Variants in OLFM4 observed in about 807,000 individuals in gnomAD.
OLFM4 encodes olfactomedin 4, also known as olfactomedin-4.
In OLFM4, 22 loss-of-function variants were observed where a neutral mutation model predicts 25.5. The ratio of observed to expected loss-of-function variants is 0.86; its 90% CI spans 0.62 to 1.23. The LOEUF is 1.23. Ranked by LOEUF, OLFM4 falls within the 50% of genes most tolerant of loss-of-function variation. The pLI, the probability that OLFM4 is intolerant of heterozygous loss-of-function variation, is 0.00. For synonymous variants in OLFM4, 255 were observed against 237.7 expected, an observed-to-expected ratio of 1.07 and a Z score of -0.67; for missense variants, 594 against 619.4, an observed-to-expected ratio of 0.96 and a Z score of 0.44.
chr13:53,032,919 C>A (rs890308533), intron 1 of OLFM4, among the ~76,000 whole-genome samples: 1 of 152,112 alleles, frequency 6.6e-6, no homozygotes, highest in Non-Finnish European at 1.5e-5. Context: ...AGCTGGCTGA[C>A]CTGAACTTTG....
intron 2 of OLFM4, among the ~76,000 whole-genome samples, chr13:53,038,223 AC>A (rs1216009711): frequency 6.6e-6 from 1 of 151,834 alleles, no homozygotes; most frequent in Admixed American, 6.6e-5. Context: ...GCACTCGCCC[AC>A]CCCCCAGTTA....
chr13:53,041,296 A>G (rs1450511304), intron 2 of OLFM4, among the ~76,000 whole-genome samples: 4 of 152,218 alleles, frequency 2.6e-5, no homozygotes, highest in Non-Finnish European at 5.9e-5. Flanking sequence ...CAACCATAAG[A>G]AAGAATGAGA....
chr13:53,047,915 G>A (rs1356556930), intron 4 of OLFM4, among the ~76,000 whole-genome samples: 3 of 151,978 alleles, frequency 2.0e-5, no homozygotes, highest in Non-Finnish European at 4.4e-5. Flanking sequence ...TGTCGGTTTG[G>A]GATATTTTCT....
intron 1 of OLFM4, among the ~76,000 whole-genome samples, chr13:53,031,811 G>A (rs1954630663): frequency 6.6e-6 from 1 of 152,178 alleles, no homozygotes; most frequent in African/African-American, 2.4e-5. Flanking sequence ...GTCTTGTGAG[G>A]TACTCAGGGT....
chr13:53,047,257 G>T (rs913936318), intron 4 of OLFM4, among the ~76,000 whole-genome samples: 2 of 152,194 alleles, frequency 1.3e-5, no homozygotes, highest in Non-Finnish European at 2.9e-5. Flanking sequence ...GGCTGGCAAG[G>T]AGCATGAGAT....
intron 1 of OLFM4, 96 bp from the exon 2 acceptor site, chr13:53,034,252 C>G: frequency 1.7e-6 from 2 of 1,166,718 alleles, no homozygotes; most frequent in Non-Finnish European, 2.5e-6. Context: ...ACTTACTTGC[C>G]TGTAAGTACT....
chr13:53,030,993 A>G (rs1467811617), intron 1 of OLFM4, among the ~76,000 whole-genome samples: 5 of 152,244 alleles, frequency 3.3e-5, no homozygotes. Flanking sequence ...CTCCATCACC[A>G]GTCAGAAACC....
At chr13:53,046,516 G>A (rs1233619382) in intron 4 of OLFM4, among the ~76,000 whole-genome samples, 1 of 152,190 alleles carries the variant, frequency 6.6e-6, no homozygotes, top group African/African-American at 2.4e-5. Context: ...TAGAAGGCTA[G>A]TGTTTTATAA....
intron 1 of OLFM4, among the ~76,000 whole-genome samples, chr13:53,032,983 A>G (rs1954637131): frequency 6.6e-6 from 1 of 152,130 alleles, no homozygotes; most frequent in African/African-American, 2.4e-5. Context: ...GTCTCCTTAG[A>G]GGTTTCATAA....
rs1292368713 is a variant in OLFM4 at position 53,030,523 on chromosome 13, G to A, written c.204+1483G>A. Among the ~76,000 whole-genome samples the A allele has an allele frequency of 3.3e-5, 5 of 152,168 alleles. No individual in the cohort carries two copies. In the South Asian group the frequency reaches 6.2e-4, roughly 19 times the overall value. On this transcript the variant is annotated intron_variant, in intron 1 of 4. Coordinates refer to ENST00000219022, the MANE Select transcript of OLFM4 (RefSeq NM_006418.5). ...TCACCATGTTGGTCAGGCTGGTCTC[G>A]AACTCCTGACCTCATGATCTGCCTG...
intron 2 of OLFM4, among the ~76,000 whole-genome samples, chr13:53,036,474 G>A (rs1954659173): frequency 6.6e-6 from 1 of 152,160 alleles, no homozygotes; most frequent in Non-Finnish European, 1.5e-5. Flanking sequence ...GAGAGTATGT[G>A]GCTTGCCAGG....
chr13:53,034,228 A>T, intron 1 of OLFM4, 120 bp from the exon 2 acceptor site: 1 of 858,118 alleles, frequency 1.2e-6, no homozygotes, highest in South Asian at 1.7e-5. Flanking sequence ...CTATTCATTT[A>T]TGTATTGGAC....
At chr13:53,045,122 C>T (rs767061874) in intron 4 of OLFM4, among the ~76,000 whole-genome samples, 1 of 152,028 alleles carries the variant, frequency 6.6e-6, no homozygotes, top group Non-Finnish European at 1.5e-5. Context: ...AGTTCAGGAC[C>T]GAAGGTGTCA....
rs1352574393 is a variant in OLFM4, at chr13:53,051,009, AG to A, written c.*240del. 2 of 461,768 alleles carry A rather than the reference AG, an allele frequency of 4.3e-6. No individual in the cohort carries two copies. The highest frequency in any genetic ancestry group is 4.0e-5 in the African/African-American group (2 of 49,988). The allele number at this position is 461,768 out of a possible 1,614,324, so 28.6% of individuals were successfully genotyped here. ...AGTCTGTCTAGGGTGGGATTGTCAG[AG>A]GTCTAGGGGCACTGTGGGCCTAGTG... On this transcript the variant is annotated 3_prime_UTR_variant, in exon 5 of 5. Transcript: ENST00000219022.
chr13:53,038,462 A>T (rs2138235166), intron 2 of OLFM4, among the ~76,000 whole-genome samples: 1 of 152,318 alleles, frequency 6.6e-6, no homozygotes, highest in Non-Finnish European at 1.5e-5. Context: ...CAGGCTACAA[A>T]CCTGTACAGC....
intron 1 of OLFM4, among the ~76,000 whole-genome samples, chr13:53,033,285 G>A (rs1593477440): frequency 6.6e-6 from 1 of 152,156 alleles, no homozygotes. Flanking sequence ...ATGGTAAGCT[G>A]GAAAAAAACT....
chr13:53,036,149 AT>A (rs1366311648), intron 2 of OLFM4, among the ~76,000 whole-genome samples: 1 of 152,206 alleles, frequency 6.6e-6, no homozygotes, highest in Non-Finnish European at 1.5e-5. Flanking sequence ...CTAAGTTTAA[AT>A]GAGTGTCCAG....
chr13:53,042,247 A>T, intron 3 of OLFM4, 125 bp downstream of exon 3: 4 of 784,942 alleles, frequency 5.1e-6, no homozygotes, highest in Non-Finnish European at 8.4e-6. Flanking sequence ...TCTCATGGCC[A>T]CATGGCATAT....
chr13:53,040,931 T>C (rs1954683698), intron 2 of OLFM4, among the ~76,000 whole-genome samples: 6 of 152,120 alleles, frequency 3.9e-5, no homozygotes, highest in Admixed American at 3.9e-4. Context: ...TAAGATACCA[T>C]CTCATACCAG....
Sources: allele counts gnomAD v4.1 joint callset (sites outside exome capture counted in the v4.1 genomes callset), GRCh38; gene constraint gnomAD v4.1.1; transcripts MANE v1.5; gene names NCBI Gene and HGNC (gene_info 2026-07-23, HGNC 2026-07-21).